ETAA1: variants seen among roughly 807,000 people sequenced by gnomAD.
The protein encoded by ETAA1 is ETAA1 activator of ATR kinase.
Under a neutral mutation model 76.8 loss-of-function variants are expected in ETAA1, and 49 were observed. That is an observed-to-expected ratio of 0.64 (90% CI 0.51 to 0.81). ETAA1 has a LOEUF of 0.81. Ranked by LOEUF, ETAA1 falls within the 30% of genes least tolerant of loss-of-function variation. ETAA1 has a pLI of 0.00. For missense variants in ETAA1, 1,099 were observed against 1,074.0 expected, an observed-to-expected ratio of 1.02 and a Z score of -0.32; for synonymous variants, 373 against 372.2, an observed-to-expected ratio of 1.00 and a Z score of -0.03.
rs544198668 is a variant in ETAA1, at chr2:67,408,521, A to C, written c.2654-1390A>C. On this transcript the variant is annotated intron_variant, in intron 5 of 5. Transcript: ENST00000272342. Reference sequence around the variant, plus strand: ...CAAAGGTTAACATTCTTGCTTTCTGACTCTTTCTTTACAGGAAAAAAAAAA... The same window carrying C: ...CAAAGGTTAACATTCTTGCTTTCTGCCTCTTTCTTTACAGGAAAAAAAAAA... Among the ~76,000 whole-genome samples, 12 of 149,070 alleles carry C rather than the reference A, an allele frequency of 8.0e-5. No homozygotes were observed. In the South Asian group the frequency reaches 2.5e-3, roughly 31 times the overall value.
chr2:67,411,056 T>C lies in ETAA1; in HGVS notation c.*1018T>C, dbSNP rs1558584256. ...TTTCAGTTTTTCTGTAACTGTAATTTTCCCCTCAATTAATTTACTTAGTTG... is the reference window on the plus strand; with the variant it reads ...TTTCAGTTTTTCTGTAACTGTAATTCTCCCCTCAATTAATTTACTTAGTTG... On this transcript the variant is annotated 3_prime_UTR_variant, in exon 6 of 6. Coordinates refer to ENST00000272342, the MANE Select transcript of ETAA1 (RefSeq NM_019002.4). The C allele has an allele frequency of 1.3e-5, 2 of 152,108 alleles. No homozygotes were observed. The highest frequency in any genetic ancestry group is 6.6e-5 in the Admixed American group (1 of 15,238). 9.4% of individuals were successfully genotyped at this position (152,108 alleles called of 1,614,324 possible). A position where few individuals can be genotyped will look rare whatever the true frequency, so the allele number is the denominator to read the frequency against.
chr2:67,405,005 A>T lies in ETAA1; in HGVS notation c.2323A>T (p.Ser775Cys). The change falls in exon 5 of 6, where the codon AGT (serine) becomes TGT (cysteine). Residue 775 changes from serine (S) to cysteine (C), a missense_variant. Transcript: ENST00000272342. Reference sequence around the variant, plus strand: ...CAAATTGGTTCTTCCAGGAAGTTCAAGTTTGAATGTAACTTCAGATCATAT... The same window carrying T: ...CAAATTGGTTCTTCCAGGAAGTTCATGTTTGAATGTAACTTCAGATCATAT... The part of the protein sequence containing the change: ...SSKLVLPGSS[S>C]LNVTSDHMNT... The T allele has an allele frequency of 6.2e-7, 1 of 1,612,110 alleles. No homozygotes were observed. Among genetic ancestry groups the T allele is most frequent in the South Asian group, 1.1e-5 (1 of 90,928 alleles).
rs781349954 is a variant in ETAA1, at chr2:67,404,698, C to T, written c.2016C>T (p.Ser672=). Residue 672 remains serine (S), a synonymous_variant, in exon 5 of 6, where the codon TCC becomes TCT. Transcript: ENST00000272342. The part of the protein sequence containing the change: ...SESICEINNN[S]EHGAKNMFAI... ...GTATATGTGAGATCAATAATAATTC[C>T]GAACATGGAGCCAAAAACATGTTTG... The T allele has an allele frequency of 1.2e-5, 20 of 1,612,676 alleles. No homozygotes were observed. The highest frequency in any genetic ancestry group is 4.5e-5 in the East Asian group (2 of 44,812).
intron 4 of ETAA1, 60 bp downstream of exon 4, chr2:67,403,034 C>T: frequency 7.0e-7 from 1 of 1,428,636 alleles, no homozygotes; most frequent in Non-Finnish European, 9.5e-7. Context: ...TTTGATAATA[C>T]TCCATTTTGG....
At chr2:67,405,456 T>TC in intron 5 of ETAA1, 121 bp downstream of exon 5, 4 of 675,924 alleles carry the variant, frequency 5.9e-6, no homozygotes, top group African/African-American at 1.8e-5. Flanking sequence ...ACTAGTTAAT[T>TC]TTAAGAATTA....
In ETAA1 at chr2:67,405,076, G is replaced by T; in HGVS notation, c.2394G>T (p.Gln798His). The stretch of plus-strand genomic sequence containing the variant: ...ATAAGAAGAAATTGAGTACTAATCA[G>T]CCATGCCATAAGACTGTAACAGATG... ...TTYKKKLSTN[Q>H]PCHKTVTDEA... The change falls in exon 5 of 6, where the codon CAG becomes CAT. Residue 798 changes from glutamine to histidine, a missense_variant. Transcript: ENST00000272342. 6.2e-7 allele frequency: 1 copy of T among 1,612,388 alleles called. No homozygotes were observed. Among genetic ancestry groups the T allele is most frequent in the African/African-American group, 1.3e-5 (1 of 74,950 alleles).
Position 67,397,551 on chromosome 2 carries a change from A to C in ETAA1, c.103A>C (p.Arg35=), listed in dbSNP as rs1397335947. The part of the protein sequence containing the change: ...ECGSVVEPGR[R]RLRSARGSWP... Reference sequence around the variant, plus strand: ...CGGCTCGGTGGTCGAGCCAGGGAGGAGGCGGCTGAGATCGGCCCGCGGTTC... The same window carrying C: ...CGGCTCGGTGGTCGAGCCAGGGAGGCGGCGGCTGAGATCGGCCCGCGGTTC... Residue 35 remains arginine (R), a synonymous_variant, in exon 1 of 6, where the codon AGG becomes CGG. Transcript: ENST00000272342. 1 of 1,576,736 alleles carries C rather than the reference A, an allele frequency of 6.3e-7. No homozygotes were observed. The highest frequency in any genetic ancestry group is 8.6e-7 in the Non-Finnish European group (1 of 1,161,470).
In ETAA1 at chr2:67,397,606, C is replaced by T. The variant is rs1364131134; in HGVS notation, c.158C>T (p.Pro53Leu). Residue 53 changes from proline to leucine, a missense_variant, in exon 1 of 6, where the codon CCC becomes CTC. Physicochemically the swap from Pro to Leu is moderately conservative, Grantham distance 98. Coordinates refer to ENST00000272342, the MANE Select transcript of ETAA1 (RefSeq NM_019002.4). ...CCCTGCGGGGCTAGAGAGGGGCCTC[C>T]CGGGCCAGTGCGGCAGCGAGAGCAG... ...SWPCGAREGP[P>L]GPVRQREQPP... 2 of 1,550,256 alleles carry T rather than the reference C, an allele frequency of 1.3e-6. No homozygotes were observed. The highest frequency in any genetic ancestry group is 2.4e-5 in the South Asian group (2 of 84,232).
rs772818206 is a variant in ETAA1, at chr2:67,399,194, G to A, written c.249G>A (p.Ala83=). The stretch of plus-strand genomic sequence containing the variant: ...AAAGGTATGAAACACCAAAGAGAGC[G>A]CTGAAAATGGACTCACTGTCATCTT... The part of the protein sequence containing the change: ...PEERYETPKR[A]LKMDSLSSSF... Residue 83 remains alanine, a synonymous_variant, in exon 2 of 6, where the codon GCG becomes GCA. Coordinates refer to ENST00000272342, the MANE Select transcript of ETAA1 (RefSeq NM_019002.4). 5 of 1,612,702 alleles carry A rather than the reference G, an allele frequency of 3.1e-6. No individual in the cohort carries two copies. Among genetic ancestry groups the A allele is most frequent in the Admixed American group, 3.3e-5 (2 of 59,872 alleles).
Position 67,404,981 on chromosome 2 carries a change from A to C in ETAA1, c.2299A>C (p.Lys767Gln), listed in dbSNP as rs1221423514. The C allele has an allele frequency of 6.2e-7, 1 of 1,612,796 alleles. No homozygotes were observed. Among genetic ancestry groups the C allele is most frequent in the South Asian group, 1.1e-5 (1 of 91,008 alleles). The part of the protein sequence containing the change: ...TDVPIQVNSS[K>Q]LVLPGSSSLN... Reference sequence around the variant, plus strand: ...TGTTCCAATACAAGTGAATAGTTCCAAATTGGTTCTTCCAGGAAGTTCAAG... The same window carrying C: ...TGTTCCAATACAAGTGAATAGTTCCCAATTGGTTCTTCCAGGAAGTTCAAG... Residue 767 changes from lysine (K) to glutamine (Q), a missense_variant, in exon 5 of 6, where the codon AAA becomes CAA. Around this residue, in one of 3 missense-constraint regions of ETAA1, gnomAD observed 302 missense variants for 278.1 expected, o/e 1.09. Transcript: ENST00000272342.
chr2:67,399,309 T>G lies in ETAA1; in HGVS notation c.352+12T>G. Reference sequence around the variant, plus strand: ...GACAAAGCAGTTAGGTAATTAATTATTAACATTTTTTATGTGAGTAAATAT... The same window carrying G: ...GACAAAGCAGTTAGGTAATTAATTAGTAACATTTTTTATGTGAGTAAATAT... On this transcript the variant is annotated intron_variant, in intron 2 of 5. Transcript: ENST00000272342. 6.3e-7 allele frequency: 1 copy of G among 1,593,094 alleles called. No individual in the cohort carries two copies. The highest frequency in any genetic ancestry group is 8.6e-7 in the Non-Finnish European group (1 of 1,167,324).
chr2:67,404,352 G>T lies in ETAA1; in HGVS notation c.1670G>T (p.Gly557Val). The change falls in exon 5 of 6, where the codon GGC becomes GTC. Residue 557 changes from glycine to valine, a missense_variant. By Grantham distance (109) the Gly-to-Val change is moderately radical (BLOSUM62 -3). Coordinates refer to ENST00000272342, the MANE Select transcript of ETAA1 (RefSeq NM_019002.4). ...GATCTTTTTGGCTCTGCAAATCTAGGCAGTAAAACCAGTGTTAGTAACCCA... is the reference window on the plus strand; with the variant it reads ...GATCTTTTTGGCTCTGCAAATCTAGTCAGTAAAACCAGTGTTAGTAACCCA... ...NTDLFGSANL[G>V]SKTSVSNPNQ... 6.2e-7 allele frequency: 1 copy of T among 1,613,142 alleles called. No homozygotes were observed. Among genetic ancestry groups the T allele is most frequent in the South Asian group, 1.1e-5 (1 of 91,048 alleles).
chr2:67,408,369 T>G (rs1410071547), intron 5 of ETAA1, among the ~76,000 whole-genome samples: 1 of 152,160 alleles, frequency 6.6e-6, no homozygotes, highest in Non-Finnish European at 1.5e-5. Context: ...CATTTGAAAA[T>G]TATATGAAAT....
chr2:67,403,111 TTAAAA>T, intron 4 of ETAA1, 109 bp from the exon 5 acceptor site: 3 of 1,127,202 alleles, frequency 2.7e-6, no homozygotes, highest in Non-Finnish European at 3.7e-6. Context: ...AATTTTGGAG[TTAAAA>T]TAATTATAAC....
chr2:67,402,523 A>G (rs1676083413), intron 3 of ETAA1: 1 of 154,204 alleles, frequency 6.5e-6, no homozygotes, highest in Admixed American at 6.5e-5. Context: ...TCTTAGGACA[A>G]TTAAAATGTC....
In ETAA1 at chr2:67,403,981, T is replaced by C. The variant is rs1218223536; in HGVS notation, c.1299T>C (p.Ser433=). The C allele has an allele frequency of 6.2e-7, 1 of 1,608,128 alleles. No homozygotes were observed. Among genetic ancestry groups the C allele is most frequent in the Non-Finnish European group, 8.5e-7 (1 of 1,178,024 alleles). ...TVKNTSRANT[S]PDARLGDSKV... is the part of the protein sequence containing the mutation. ...AAAATACGTCAAGAGCAAATACAAG[T>C]CCAGATGCCAGGTTAGGAGATTCAA... The change falls in exon 5 of 6, where the codon AGT becomes AGC. Residue 433 remains serine (S), a synonymous_variant. Coordinates refer to ENST00000272342, the MANE Select transcript of ETAA1 (RefSeq NM_019002.4).
Position 67,404,364 on chromosome 2 carries a change from G to C in ETAA1, c.1682G>C (p.Ser561Thr), listed in dbSNP as rs1676143303. Residue 561 changes from serine to threonine, a missense_variant, in exon 5 of 6, where the codon AGT (serine) becomes ACT (threonine). This residue lies in a region of ETAA1 where 761 missense variants were observed against 731.9 expected (regional missense o/e 1.04). Coordinates refer to ENST00000272342, the MANE Select transcript of ETAA1 (RefSeq NM_019002.4). ...TCTGCAAATCTAGGCAGTAAAACCA[G>C]TGTTAGTAACCCAAATCAGACTAGT... ...FGSANLGSKT[S>T]VSNPNQTSAS... 3 of 1,613,230 alleles carry C rather than the reference G, an allele frequency of 1.9e-6. No homozygotes were observed. The highest frequency in any genetic ancestry group is 2.5e-6 in the Non-Finnish European group (3 of 1,179,440).
In ETAA1 at chr2:67,403,425, A is replaced by T. The variant is rs1572908543; in HGVS notation, c.743A>T (p.Asp248Val). ...TTACATAATATAGTTCCCGAAATAG[A>T]TAATGCTACAAAAAAGCCAATCAAA... The part of the protein sequence containing the change: ...WSLHNIVPEI[D>V]NATKKPIKGN... The change falls in exon 5 of 6, where the codon GAT becomes GTT. Residue 248 changes from aspartate to valine, a missense_variant. Around this residue, in one of 3 missense-constraint regions of ETAA1, gnomAD observed 761 missense variants for 731.9 expected, o/e 1.04. Coordinates refer to ENST00000272342, the MANE Select transcript of ETAA1 (RefSeq NM_019002.4). The T allele has an allele frequency of 6.2e-7, 1 of 1,611,566 alleles. No individual in the cohort carries two copies. The highest frequency in any genetic ancestry group is 8.5e-7 in the Non-Finnish European group (1 of 1,177,958).
In ETAA1 at chr2:67,405,192, A is replaced by C. The variant is rs750708415; in HGVS notation, c.2510A>C (p.Gln837Pro). 20 of 1,612,662 alleles carry C rather than the reference A, an allele frequency of 1.2e-5. No homozygotes were observed. Among genetic ancestry groups the C allele is most frequent in the Non-Finnish European group, 1.7e-5 (20 of 1,179,210 alleles). Reference sequence around the variant, plus strand: ...TCTCAGATTCTTTCTCAGTTTAATCAAAATTGTATAACTGGAAGTATGTCT... The same window carrying C: ...TCTCAGATTCTTTCTCAGTTTAATCCAAATTGTATAACTGGAAGTATGTCT... The part of the protein sequence containing the change: ...KNSQILSQFN[Q>P]NCITGSMSDT... The change falls in exon 5 of 6, where the codon CAA (glutamine) becomes CCA (proline). Residue 837 changes from glutamine (Q) to proline (P), a missense_variant. Gln to Pro is a moderately conservative substitution (Grantham distance 76). Transcript: ENST00000272342.
Sources: gnomAD v4.1 joint callset for allele counts (sites outside exome capture counted in the v4.1 genomes callset) on GRCh38, gnomAD v4.1.1 for gene constraint, gnomAD v4.1.1 regional missense constraint, MANE v1.5 for transcripts, NCBI Gene and HGNC (gene_info 2026-07-23, HGNC 2026-07-21) for gene names.